The following ERAP1 variants were observed in gnomAD, a reference collection of about 807,000 sequenced individuals.
The protein encoded by ERAP1 is adipocyte-derived leucine aminopeptidase.
In ERAP1, 86 loss-of-function variants were observed where a neutral mutation model predicts 103.7. The ratio of observed to expected loss-of-function variants is 0.83; its 90% CI spans 0.70 to 0.99. ERAP1 has a LOEUF of 0.99. Among genes scored for constraint, ERAP1 ranks in the 50% least tolerant of loss-of-function variants. The pLI, the probability that ERAP1 is intolerant of heterozygous loss-of-function variation, is 0.00. For synonymous variants in ERAP1, 398 were observed against 402.4 expected (o/e 0.99, Z 0.13); for missense variants, 1,009 against 1,128.4 (o/e 0.89, Z 1.52).
the ERAP1 span, among the ~76,000 whole-genome samples, chr5:96,853,190 T>C: frequency 6.6e-6 from 1 of 152,142 alleles, no homozygotes; most frequent in Non-Finnish European, 1.5e-5. Flanking sequence ...AAAGAATAAA[T>C]GAGCCTTTAG....
the ERAP1 span, among the ~76,000 whole-genome samples, chr5:96,855,830 A>G: frequency 6.6e-6 from 1 of 152,148 alleles, no homozygotes; most frequent in African/African-American, 2.4e-5. Context: ...GATGTAGGAG[A>G]AGGGAATTTT....
At chr5:96,797,670 C>A (rs1032595551) in intron 3 of ERAP1, among the ~76,000 whole-genome samples, 1 of 152,046 alleles carries the variant, frequency 6.6e-6, no homozygotes, top group East Asian at 1.9e-4. Context: ...TGTCTAATGA[C>A]GCTTCTATAG....
At chr5:96,915,598 A>G in the ERAP1 span, 1 of 625,504 alleles carries the variant, frequency 1.6e-6, no homozygotes, top group Non-Finnish European at 2.5e-6. Context: ...TCACATAGTT[A>G]TTAATATACA....
the ERAP1 span, chr5:96,896,393 G>T: frequency 1.2e-6 from 2 of 1,609,250 alleles, no homozygotes; most frequent in South Asian, 1.1e-5. Context: ...TTTTGAATGT[G>T]TGTTTTGAAG....
downstream of ERAP1, chr5:96,771,527 G>A: frequency 1.5e-6 from 1 of 665,734 alleles, no homozygotes; most frequent in Non-Finnish European, 2.6e-6. Context: ...AAACTGAAAG[G>A]ACCATCTTAT....
downstream of ERAP1, chr5:96,773,170 T>C (rs79077458): frequency 5.8e-5 from 9 of 153,964 alleles, no homozygotes; most frequent in East Asian, 1.5e-3. Context: ...ATTGGGCACA[T>C]ATCTCCTCTT....
At chr5:96,924,250 A>G in the ERAP1 span, among the ~76,000 whole-genome samples, 1 of 152,154 alleles carries the variant, frequency 6.6e-6, no homozygotes, top group Non-Finnish European at 1.5e-5. Flanking sequence ...TTTTGTTTTG[A>G]GGTCTCTTTG....
chr5:96,829,735 G>A, the ERAP1 span, among the ~76,000 whole-genome samples: 1 of 152,164 alleles, frequency 6.6e-6, no homozygotes, highest in Non-Finnish European at 1.5e-5. Context: ...ATTTTTGTAT[G>A]GATTTTTTGA....
chr5:96,871,151 T>C, the ERAP1 span, among the ~76,000 whole-genome samples: 406 of 152,294 alleles, frequency 2.7e-3, 8 homozygotes, highest in Non-Finnish European at 6.2e-4. Context: ...TCTCCCAGAA[T>C]CTCATCTGCA....
chr5:96,899,853 A>G, the ERAP1 span, among the ~76,000 whole-genome samples: 1 of 152,224 alleles, frequency 6.6e-6, no homozygotes, highest in Non-Finnish European at 1.5e-5. Context: ...CAACAAATTG[A>G]TTCTTCCTTA....
chr5:96,879,975 T>C, the ERAP1 span: 1 of 1,614,202 alleles, frequency 6.2e-7, no homozygotes, highest in South Asian at 1.1e-5. Flanking sequence ...TCTGAGAAGA[T>C]CGAAGTCTTG....
chr5:96,893,089 T>C, the ERAP1 span, among the ~76,000 whole-genome samples: 1 of 152,212 alleles, frequency 6.6e-6, no homozygotes, highest in African/African-American at 2.4e-5. Context: ...CAACGGCCAC[T>C]ACAACTACAA....
the ERAP1 span, among the ~76,000 whole-genome samples, chr5:96,856,730 C>A: frequency 6.6e-6 from 1 of 152,178 alleles, no homozygotes; most frequent in South Asian, 2.1e-4. Context: ...TTCCTTCTCC[C>A]TACTTACGGC....
At chr5:96,781,611 G>A in intron 16 of ERAP1, 82 bp downstream of exon 16, 1 of 1,592,626 alleles carries the variant, frequency 6.3e-7, no homozygotes, top group Non-Finnish European at 8.6e-7. Context: ...TCCTGGCCAA[G>A]AAAACAAAAA....
the ERAP1 span, among the ~76,000 whole-genome samples, chr5:96,864,591 G>T: frequency 3.3e-5 from 5 of 152,038 alleles, no homozygotes; most frequent in Admixed American, 2.0e-4. Flanking sequence ...AGGTTTTAAG[G>T]TTATTTTCCA....
intron 6 of ERAP1, 28 bp downstream of exon 6, chr5:96,793,775 T>C: frequency 6.3e-7 from 1 of 1,592,180 alleles, no homozygotes; most frequent in East Asian, 2.2e-5. Flanking sequence ...TAGTTTATAC[T>C]TTATTAAAAG....
chr5:96,839,248 TTTATTAAAG>T, the ERAP1 span, among the ~76,000 whole-genome samples: 1 of 152,244 alleles, frequency 6.6e-6, no homozygotes, highest in Non-Finnish European at 1.5e-5. Context: ...ATTTAGAGTT[TTTATTAAAG>T]CTTCATTATG....
the ERAP1 span, among the ~76,000 whole-genome samples, chr5:96,922,959 TG>T: frequency 2.6e-5 from 1 of 37,888 alleles, no homozygotes; most frequent in African/African-American, 1.4e-4. Context: ...ACTATTTGGA[TG>T]TTTTTTGTTT....
chr5:96,877,230 C>T, the ERAP1 span, among the ~76,000 whole-genome samples: 1 of 152,150 alleles, frequency 6.6e-6, no homozygotes, highest in African/African-American at 2.4e-5. Context: ...CCACCTTGGC[C>T]TCCCAAAATG....
Sources: gnomAD v4.1 joint callset for allele counts (sites outside exome capture counted in the v4.1 genomes callset) on GRCh38, gnomAD v4.1.1 for gene constraint, MANE v1.5 for transcripts, NCBI Gene and HGNC (gene_info 2026-07-23, HGNC 2026-07-21) for gene names.